ARIH1: variants seen among roughly 807,000 people sequenced by gnomAD.
ARIH1 encodes ariadne RBR E3 ubiquitin protein ligase 1.
A neutral mutation model predicts 85.0 loss-of-function variants in ARIH1; 8 were observed. The observed-to-expected ratio is 0.09, with a 90% CI of 0.06 to 0.17. The LOEUF (loss-of-function observed/expected upper bound fraction) is 0.17, where lower values mean the gene tolerates loss of function less well. Ranked by LOEUF, ARIH1 falls within the 10% of genes least tolerant of loss-of-function variation. The pLI is 1.00. For missense variants in ARIH1, 311 were observed against 718.1 expected, an observed-to-expected ratio of 0.43 and a Z score of 6.48; for synonymous variants, 238 against 253.6, an observed-to-expected ratio of 0.94 and a Z score of 0.59.
chr15:72,572,474 A>G (rs576653770), intron 11 of ARIH1: 1 of 189,486 alleles, frequency 5.3e-6, no homozygotes, highest in African/African-American at 2.3e-5. Flanking sequence ...TCGGCCTCCC[A>G]AAGTGCTGGG....
intron 2 of ARIH1, among the ~76,000 whole-genome samples, chr15:72,533,478 T>C (rs1211992929): frequency 6.6e-6 from 1 of 152,242 alleles, no homozygotes; most frequent in African/African-American, 2.4e-5. Context: ...ACAATGTGAT[T>C]GTACATGTGG....
At chr15:72,514,069 G>A (rs895858620) in intron 1 of ARIH1, among the ~76,000 whole-genome samples, 4 of 150,746 alleles carry the variant, frequency 2.7e-5, no homozygotes, top group Non-Finnish European at 5.9e-5. Flanking sequence ...CGAACTCCTG[G>A]GCTCAAGTGA....
At chr15:72,508,989 T>C (rs1359346710) in intron 1 of ARIH1, among the ~76,000 whole-genome samples, 1 of 150,544 alleles carries the variant, frequency 6.6e-6, no homozygotes, top group Non-Finnish European at 1.5e-5. Context: ...CCACTGTGCC[T>C]GGCCCTTTTT....
At chr15:72,565,199 G>A (rs1349538166) in intron 7 of ARIH1, among the ~76,000 whole-genome samples, 1 of 152,138 alleles carries the variant, frequency 6.6e-6, no homozygotes, top group Admixed American at 6.5e-5. Flanking sequence ...GGGATTACAG[G>A]CGTGTGCCAC....
In ARIH1 at chr15:72,595,239, A is replaced by T. The variant is rs1489215486; in HGVS notation, c.*11947A>T. On this transcript the variant is annotated 3_prime_UTR_variant, in exon 14 of 14. Coordinates refer to ENST00000379887, the MANE Select transcript of ARIH1 (RefSeq NM_005744.5). ...CAGGCTGCCAGGCTGGAGTGCAATGACATGATCATAGCTCACTGCAGCCTT... is the reference window on the plus strand; with the variant it reads ...CAGGCTGCCAGGCTGGAGTGCAATGTCATGATCATAGCTCACTGCAGCCTT... 6.6e-6 allele frequency: 1 copy of T among 152,180 alleles called. No homozygotes were observed. The highest frequency in any genetic ancestry group is 6.5e-5 in the Admixed American group (1 of 15,272). 9.4% of individuals were successfully genotyped at this position (152,180 alleles called of 1,614,324 possible). A position where few individuals can be genotyped will look rare whatever the true frequency, so the allele number is the denominator to read the frequency against.
intron 3 of ARIH1, 23 bp downstream of exon 3, chr15:72,544,987 C>G: frequency 1.3e-6 from 2 of 1,516,338 alleles, no homozygotes; most frequent in Non-Finnish European, 1.8e-6. Flanking sequence ...TAGTTTAAGG[C>G]TAGTGCTGAC....
At chr15:72,506,850 T>G (rs2140404629) in intron 1 of ARIH1, among the ~76,000 whole-genome samples, 1 of 152,174 alleles carries the variant, frequency 6.6e-6, no homozygotes, top group African/African-American at 2.4e-5. Context: ...TTTTTTGTTT[T>G]TTTTGTTTGT....
chr15:72,558,461 C>A (rs2064184243), intron 5 of ARIH1, among the ~76,000 whole-genome samples: 1 of 152,122 alleles, frequency 6.6e-6, no homozygotes, highest in African/African-American at 2.4e-5. Flanking sequence ...ACCATCACGT[C>A]CGGATAAGTT....
At chr15:72,524,971 G>T (rs1273156244) in intron 2 of ARIH1, among the ~76,000 whole-genome samples, 1 of 152,114 alleles carries the variant, frequency 6.6e-6, no homozygotes, top group African/African-American at 2.4e-5. Flanking sequence ...TGCAACCTCC[G>T]CCTCCCAGGT....
intron 1 of ARIH1, among the ~76,000 whole-genome samples, chr15:72,477,716 T>G (rs1158106142): frequency 6.6e-6 from 1 of 152,184 alleles, no homozygotes; most frequent in East Asian, 1.9e-4. Flanking sequence ...AATTAAACAA[T>G]TAAACTTTAT....
chr15:72,562,932 T>C (rs1478639365), intron 6 of ARIH1, among the ~76,000 whole-genome samples: 1 of 149,022 alleles, frequency 6.7e-6, no homozygotes, highest in Non-Finnish European at 1.5e-5. Flanking sequence ...GAAGTGTTGC[T>C]ATAGAAGACC....
intron 6 of ARIH1, 62 bp downstream of exon 6, chr15:72,561,611 T>A: frequency 3.1e-6 from 3 of 969,204 alleles, no homozygotes; most frequent in Non-Finnish European, 4.5e-6. Flanking sequence ...AATACTATTT[T>A]AAAAATTATA....
At chr15:72,506,378 G>GAAAAAAAA (rs2063925946) in intron 1 of ARIH1, among the ~76,000 whole-genome samples, 1 of 97,844 alleles carries the variant, frequency 1.0e-5, no homozygotes, top group Non-Finnish European at 2.3e-5. Context: ...AAAAAAAAAA[G>GAAAAAAAA]AACTTAGTCA....
Position 72,588,920 on chromosome 15 carries a change from T to C in ARIH1, c.*5628T>C, listed in dbSNP as rs2064329193. The C allele has an allele frequency of 6.6e-6, 1 of 152,204 alleles. No homozygotes were observed. Among genetic ancestry groups the C allele is most frequent in the African/African-American group, 2.4e-5 (1 of 41,454 alleles). 9.4% of individuals were successfully genotyped at this position (152,204 alleles called of 1,614,324 possible). On this transcript the variant is annotated 3_prime_UTR_variant, in exon 14 of 14. Transcript: ENST00000379887. The stretch of plus-strand genomic sequence containing the variant: ...TAAGCAAAACTGTCATTAAAGCTAG[T>C]TGCGTCAAGTCTGCACAATTCCACG...
In ARIH1 at chr15:72,506,165, G is replaced by A. The variant is rs910282872; in HGVS notation, c.376-11902G>A. The stretch of plus-strand genomic sequence containing the variant: ...AGATCGAGACCATCCTGGCTAACAC[G>A]GTGAAACTCTTTCTCTACTAAAAAA... On this transcript the variant is annotated intron_variant, in intron 1 of 13. Coordinates refer to ENST00000379887, the MANE Select transcript of ARIH1 (RefSeq NM_005744.5). 1.3e-4 allele frequency among the ~76,000 whole-genome samples: 19 copies of A among 151,882 alleles called. 1 individual carries two copies. Among genetic ancestry groups the A allele is most frequent in the Middle Eastern group, 6.8e-3 (2 of 292 alleles).
At chr15:72,498,174 G>A (rs924114219) in intron 1 of ARIH1, among the ~76,000 whole-genome samples, 2 of 152,138 alleles carry the variant, frequency 1.3e-5, no homozygotes, top group Admixed American at 1.3e-4. Context: ...GTAAATCACT[G>A]CTCAGAAAGA....
At chr15:72,487,659 T>C (rs1268895172) in intron 1 of ARIH1, among the ~76,000 whole-genome samples, 2 of 152,164 alleles carry the variant, frequency 1.3e-5, no homozygotes, top group Non-Finnish European at 2.9e-5. Context: ...TTATCCCTGA[T>C]CAAGTTACCT....
At position 72,582,615 on chromosome 15, in the gene ARIH1, G is replaced by T. The variant is rs2064299375; in HGVS notation, c.1589+428G>T. Among the ~76,000 whole-genome samples the T allele has an allele frequency of 6.6e-6, 1 of 151,542 alleles. No homozygotes were observed. On this transcript the variant is annotated intron_variant, in intron 13 of 13. Coordinates refer to ENST00000379887, the MANE Select transcript of ARIH1 (RefSeq NM_005744.5). The surrounding 1 kb of genome is among the most constrained non-coding windows in gnomAD (Gnocchi z 4.6). The stretch of plus-strand genomic sequence containing the variant: ...TATATATATATTTTTTTAATCTAAG[G>T]AGATACTTGTCCTAGGAGTCGATTT...
chr15:72,515,167 C>T (rs2063969550), intron 1 of ARIH1, among the ~76,000 whole-genome samples: 1 of 151,934 alleles, frequency 6.6e-6, no homozygotes, highest in Admixed American at 6.6e-5. Flanking sequence ...GAAACCCTGT[C>T]TCTACTAAAA....
Sources: gnomAD v4.1 joint callset for allele counts (sites outside exome capture counted in the v4.1 genomes callset) on GRCh38, gnomAD v4.1.1 for gene constraint, Gnocchi (gnomAD v3.1) non-coding constraint, MANE v1.5 for transcripts, NCBI Gene and HGNC (gene_info 2026-07-23, HGNC 2026-07-21) for gene names.